ZNF638: variants seen among roughly 807,000 people sequenced by gnomAD.
ZNF638 encodes the protein CTCL tumor antigen se33-1.
Under a neutral mutation model 195.6 loss-of-function variants are expected in ZNF638, and 46 were observed. The ratio of observed to expected loss-of-function variants is 0.24; its 90% CI spans 0.19 to 0.30. The LOEUF is 0.30. Among genes scored for constraint, ZNF638 ranks in the 10% least tolerant of loss-of-function variants. The probability of loss-of-function intolerance (pLI) is 1.00; values close to 1 mark genes in which losing one functional copy is unlikely to be tolerated. For missense variants in ZNF638, 2,440 were observed against 2,325.3 expected (o/e 1.05, Z -1.01); for synonymous variants, 845 against 772.0 (o/e 1.09, Z -1.57).
chr2:71,350,864 A>C (rs902175361), intron 2 of ZNF638, among the ~76,000 whole-genome samples: 1 of 152,226 alleles, frequency 6.6e-6, no homozygotes, highest in African/African-American at 2.4e-5. Flanking sequence ...GTGGACTCAG[A>C]AAATAGTGTA....
intron 26 of ZNF638, among the ~76,000 whole-genome samples, chr2:71,432,827 GT>G (rs1284835491): frequency 3.9e-5 from 6 of 152,346 alleles, no homozygotes; most frequent in African/African-American, 1.4e-4. Context: ...GCTCACACGT[GT>G]AATCCCAGCA....
At position 71,336,491 on chromosome 2, in the gene ZNF638, T is replaced by C. The variant is rs371104958; in HGVS notation, c.-203+4616T>C. Among the ~76,000 whole-genome samples the C allele has an allele frequency of 4.1e-4, 63 of 152,146 alleles. No homozygotes were observed. The South Asian group carries it at 0.012, about 30-fold the overall frequency. ...GGTGGATGTAAGCAATTAACTCCTA[T>C]GTCTAATATAATTTTCAAAAATTAC... is the stretch of plus-strand genomic sequence containing the variant. On this transcript the variant is annotated intron_variant, in intron 1 of 27. Transcript: ENST00000264447.
intron 3 of ZNF638, among the ~76,000 whole-genome samples, chr2:71,358,393 C>T (rs369149241): frequency 6.6e-6 from 1 of 152,178 alleles, no homozygotes; most frequent in Non-Finnish European, 1.5e-5. Flanking sequence ...AATACCAAAT[C>T]GCTCTCTCGT....
chr2:71,424,108 T>G (rs1338896436), intron 22 of ZNF638, 70 bp downstream of exon 22: 1 of 1,523,872 alleles, frequency 6.6e-7, no homozygotes, highest in Non-Finnish European at 8.8e-7. Flanking sequence ...AGCTATGTAG[T>G]AGGAGATGTA....
At chr2:71,366,364 A>G (rs759719417) in intron 6 of ZNF638, among the ~76,000 whole-genome samples, 57 of 81,960 alleles carry the variant, frequency 7.0e-4, no homozygotes, top group Non-Finnish European at 1.1e-3. Context: ...CTGTCTCAAG[A>G]AAAAAAAAAA....
intron 8 of ZNF638, chr2:71,375,736 G>A (rs1236300458): frequency 6.6e-6 from 1 of 152,226 alleles, no homozygotes; most frequent in Non-Finnish European, 1.5e-5. Context: ...TTTGGAAATG[G>A]TTTGGAGAAT....
At chr2:71,365,399 A>C in intron 5 of ZNF638, 30 bp from the exon 6 acceptor site, 2 of 1,514,064 alleles carry the variant, frequency 1.3e-6, no homozygotes, top group Non-Finnish European at 8.8e-7. Flanking sequence ...TTTTTTTCCA[A>C]TTGAAATTAT....
intron 22 of ZNF638, among the ~76,000 whole-genome samples, chr2:71,424,305 A>G (rs1426684589): frequency 6.6e-6 from 1 of 151,854 alleles, no homozygotes; most frequent in Non-Finnish European, 1.5e-5. Flanking sequence ...AAAAAAAAAA[A>G]AAAGTCTGCA....
rs1284098877 is a variant in ZNF638, at chr2:71,423,711, C to T, written c.4197C>T (p.Val1399=). The change falls in exon 22 of 28, where the codon GTC becomes GTT. Residue 1399 remains valine, a synonymous_variant. Coordinates refer to ENST00000264447, the MANE Select transcript of ZNF638 (RefSeq NM_014497.5). ...SSKPSIKAVI[V]SSPKAKATVS... ...AACCAAGCATCAAGGCTGTTATAGT[C>T]TCTTCTCCTAAGGCAAAAGCTACAG... 4 of 1,613,764 alleles carry T rather than the reference C, an allele frequency of 2.5e-6. No individual in the cohort carries two copies. The highest frequency in any genetic ancestry group is 3.4e-6 in the Non-Finnish European group (4 of 1,180,018).
At chr2:71,357,690 A>G (rs1010551289) in intron 3 of ZNF638, among the ~76,000 whole-genome samples, 4 of 152,168 alleles carry the variant, frequency 2.6e-5, no homozygotes, top group Non-Finnish European at 4.4e-5. Context: ...TCATACATGT[A>G]GGACCCTGAT....
At chr2:71,388,315 G>A (rs973088852) in intron 10 of ZNF638, 3 of 454,348 alleles carry the variant, frequency 6.6e-6, no homozygotes, top group East Asian at 4.8e-5. Flanking sequence ...TTGATCATCC[G>A]ACCTTTGATC....
At chr2:71,396,886 G>A (rs1160301820) in intron 11 of ZNF638, among the ~76,000 whole-genome samples, 1 of 152,208 alleles carries the variant, frequency 6.6e-6, no homozygotes. Context: ...GGTGGAAGTT[G>A]CAGTGAGCTG....
chr2:71,337,258 C>T (rs1269434991), intron 1 of ZNF638, among the ~76,000 whole-genome samples: 1 of 151,392 alleles, frequency 6.6e-6, no homozygotes, highest in Non-Finnish European at 1.5e-5. Flanking sequence ...TGGGGGAGTT[C>T]CCTGTCTCCT....
chr2:71,389,867 A>G (rs1316933393), intron 10 of ZNF638, among the ~76,000 whole-genome samples: 2 of 152,204 alleles, frequency 1.3e-5, no homozygotes, highest in Admixed American at 6.5e-5. Flanking sequence ...TCGACTGCCA[A>G]CAAGCAATGC....
rs1038265076 is a variant in ZNF638, at chr2:71,331,784, A to T, written c.-294A>T. The T allele has an allele frequency of 5.1e-6, 5 of 985,842 alleles. No individual in the cohort carries two copies. The African/African-American group carries it at 8.7e-5, about 17-fold the overall frequency. 61.1% of individuals were successfully genotyped at this position (985,842 alleles called of 1,614,324 possible). A position where few individuals can be genotyped will look rare whatever the true frequency, so the allele number is the denominator to read the frequency against. ...GGCGCGCATGCGTGCAGCTCTTTGG[A>T]GGCGGTAGCGTTTTCGGCGTCGAGA... On this transcript the variant is annotated 5_prime_UTR_variant, in exon 1 of 28. Transcript: ENST00000264447.
chr2:71,343,298 A>G (rs1451805124), intron 1 of ZNF638, among the ~76,000 whole-genome samples: 1 of 152,194 alleles, frequency 6.6e-6, no homozygotes, highest in African/African-American at 2.4e-5. Context: ...CTCTCAGAAG[A>G]TATTTAATAC....
At chr2:71,376,772 A>G (rs1439097991) in intron 8 of ZNF638, among the ~76,000 whole-genome samples, 1 of 152,210 alleles carries the variant, frequency 6.6e-6, no homozygotes, top group African/African-American at 2.4e-5. Flanking sequence ...CTTGTCAGAA[A>G]CTAGGTAACT....
intron 1 of ZNF638, among the ~76,000 whole-genome samples, chr2:71,334,922 A>C (rs1156524279): frequency 2.1e-5 from 3 of 142,508 alleles, no homozygotes; most frequent in African/African-American, 7.9e-5. Context: ...CTCCGTCTCC[A>C]AAAAAAAAAA....
intron 10 of ZNF638, among the ~76,000 whole-genome samples, chr2:71,381,831 G>A (rs140462044): frequency 6.6e-6 from 1 of 151,966 alleles, no homozygotes; most frequent in Admixed American, 6.6e-5. Context: ...ATTTTTTCTG[G>A]ATAAGAGCTA....
Sources: allele counts gnomAD v4.1 joint callset (sites outside exome capture counted in the v4.1 genomes callset), GRCh38; gene constraint gnomAD v4.1.1; transcripts MANE v1.5; gene names NCBI Gene and HGNC (gene_info 2026-07-23, HGNC 2026-07-21).